The following NIPA2 variants were observed in gnomAD, a reference collection of about 807,000 sequenced individuals.
NIPA2 encodes NIPA magnesium transporter 2, also known as magnesium transporter NIPA2.
In NIPA2, 11 loss-of-function variants were observed where a neutral mutation model predicts 29.7. That is an observed-to-expected ratio of 0.37 (90% CI 0.23 to 0.61). The LOEUF is 0.61. Ranked by LOEUF, NIPA2 falls within the 20% of genes least tolerant of loss-of-function variation. NIPA2 has a pLI of 0.66. For synonymous variants in NIPA2, 183 were observed against 161.9 expected (o/e 1.13, Z -0.99); for missense variants, 426 against 437.9 (o/e 0.97, Z 0.24).
Position 22,853,234 on chromosome 15 carries a change from T to C in NIPA2, c.162T>C (p.Leu54=). 1 of 1,611,280 alleles carries C rather than the reference T, an allele frequency of 6.2e-7. No homozygotes were observed. ...CAGGTCAAGGTGGCCATGCATATCTTAAGGAATGGTTGTGGTGGGCTGGAC... is the reference window on the plus strand; with the variant it reads ...CAGGTCAAGGTGGCCATGCATATCTCAAGGAATGGTTGTGGTGGGCTGGAC... ...MRAGQGGHAY[L]KEWLWWAGLL... Residue 54 remains leucine (L), a synonymous_variant, in exon 5 of 8, where the codon CTT becomes CTC. Coordinates refer to ENST00000337451, the MANE Select transcript of NIPA2 (RefSeq NM_030922.7).
intron 5 of NIPA2, among the ~76,000 whole-genome samples, chr15:22,857,867 T>C (rs2058316333): frequency 2.1e-5 from 3 of 140,366 alleles, no homozygotes; most frequent in Non-Finnish European, 4.6e-5. Flanking sequence ...AAGGACCAAA[T>C]GAAAAGGACT....
intron 7 of NIPA2, among the ~76,000 whole-genome samples, chr15:22,865,502 A>G (rs557773563): frequency 6.6e-6 from 1 of 151,746 alleles, no homozygotes; most frequent in East Asian, 2.0e-4. Flanking sequence ...AAAAAATCCT[A>G]TTACTGTGTA....
chr15:22,850,316 A>G (rs936052929), intron 3 of NIPA2, among the ~76,000 whole-genome samples: 2 of 152,028 alleles, frequency 1.3e-5, no homozygotes, highest in Non-Finnish European at 2.9e-5. Context: ...AAGCAGAAGT[A>G]AGAGAGGCCT....
At position 22,858,122 on chromosome 15, in the gene NIPA2, A is replaced by G. The variant is rs373776996; in HGVS notation, c.197-418A>G. 2.0e-4 allele frequency among the ~76,000 whole-genome samples: 30 copies of G among 151,996 alleles called. No individual in the cohort carries two copies. In the East Asian group the frequency reaches 3.1e-3, roughly 16 times the overall value. On this transcript the variant is annotated intron_variant, in intron 5 of 7. Transcript: ENST00000337451. ...TTAATAAATTGGAGAGGCTGGGCGC[A>G]GTGGCTCACGCCTGTAATCCCAGCA...
chr15:22,846,037 C>T lies in NIPA2; in HGVS notation c.-94+770C>T, dbSNP rs139719871. On this transcript the variant is annotated intron_variant, in intron 3 of 7. Coordinates refer to ENST00000337451, the MANE Select transcript of NIPA2 (RefSeq NM_030922.7). ...CCATTATATGTATTGTTTTAATCAC[C>T]TCTTCACCTTGTCAGTGAGAGAGGG... is the stretch of plus-strand genomic sequence containing the variant. Among the ~76,000 whole-genome samples, 14 of 152,170 alleles carry T rather than the reference C, an allele frequency of 9.2e-5. No homozygotes were observed. In the East Asian group the frequency reaches 2.5e-3, roughly 27 times the overall value.
At chr15:22,853,340 C>G (rs1171128871) in intron 5 of NIPA2, 72 bp downstream of exon 5, 4 of 904,882 alleles carry the variant, frequency 4.4e-6, no homozygotes, top group Middle Eastern at 2.2e-4. Flanking sequence ...GTATTATAGC[C>G]TCATTACTAG....
chr15:22,860,598 A>C (rs1216656652), intron 6 of NIPA2, 31 bp from the exon 7 acceptor site: 1 of 1,443,002 alleles, frequency 6.9e-7, no homozygotes. Flanking sequence ...AGCTGATTAA[A>C]GTTCTCAATT....
chr15:22,847,141 G>C (rs1169601309), intron 3 of NIPA2, among the ~76,000 whole-genome samples: 1 of 151,764 alleles, frequency 6.6e-6, no homozygotes, highest in Non-Finnish European at 1.5e-5. Context: ...CCCGACCTCA[G>C]GTGATCTGCC....
chr15:22,839,048 C>G (rs1329176557), intron 1 of NIPA2, 127 bp downstream of exon 1: 2 of 152,248 alleles, frequency 1.3e-5, no homozygotes, highest in Non-Finnish European at 2.9e-5. Context: ...AAGCGGTTTT[C>G]CTGTAATCCT....
At chr15:22,864,574 G>A (rs920649006) in intron 7 of NIPA2, among the ~76,000 whole-genome samples, 6 of 152,198 alleles carry the variant, frequency 3.9e-5, no homozygotes, top group African/African-American at 1.4e-4. Flanking sequence ...ATGCCTGGAG[G>A]CATGGTTGAC....
At position 22,853,247 on chromosome 15, in the gene NIPA2, T is replaced by C; in HGVS notation, c.175T>C (p.Trp59Arg). 1 of 1,610,348 alleles carries C rather than the reference T, an allele frequency of 6.2e-7. No individual in the cohort carries two copies. The highest frequency in any genetic ancestry group is 8.5e-7 in the Non-Finnish European group (1 of 1,176,806). Residue 59 changes from tryptophan to arginine, a missense_variant, in exon 5 of 8, where the codon TGG becomes CGG. Trp to Arg is a moderately radical substitution (Grantham distance 101). Coordinates refer to ENST00000337451, the MANE Select transcript of NIPA2 (RefSeq NM_030922.7). ...GGHAYLKEWL[W>R]WAGLLSMGAG... is the part of the protein sequence containing the mutation. ...CCATGCATATCTTAAGGAATGGTTGTGGTGGGCTGGACTGCTGTCAAGTAT... is the reference window on the plus strand; with the variant it reads ...CCATGCATATCTTAAGGAATGGTTGCGGTGGGCTGGACTGCTGTCAAGTAT...
At position 22,867,289 on chromosome 15, in the gene NIPA2, A is replaced by C. The variant is rs2059162510; in HGVS notation, c.*442A>C. The C allele has an allele frequency of 2.5e-6, 1 of 398,608 alleles. No individual in the cohort carries two copies. The highest frequency in any genetic ancestry group is 3.6e-5 in the East Asian group (1 of 28,026). 24.7% of individuals were successfully genotyped at this position (398,608 alleles called of 1,614,324 possible). Reference sequence around the variant, plus strand: ...TTATCCTGTGATTTACCTTACCTACAAAAGTGGCTCCTGTTTGTTTGATGA... The same window carrying C: ...TTATCCTGTGATTTACCTTACCTACCAAAGTGGCTCCTGTTTGTTTGATGA... On this transcript the variant is annotated 3_prime_UTR_variant, in exon 8 of 8. Transcript: ENST00000337451.
intron 3 of NIPA2, among the ~76,000 whole-genome samples, chr15:22,848,109 T>C (rs574461854): frequency 6.6e-6 from 1 of 152,316 alleles, no homozygotes; most frequent in African/African-American, 2.4e-5. Context: ...ATGATTTTTA[T>C]GTTGGATGAT....
At chr15:22,860,226 G>A (rs2058525318) in intron 6 of NIPA2, among the ~76,000 whole-genome samples, 1 of 152,080 alleles carries the variant, frequency 6.6e-6, no homozygotes. Context: ...CACCATGTTG[G>A]CCAGGCTGGG....
chr15:22,861,043 T>C (rs2058585694), intron 7 of NIPA2, among the ~76,000 whole-genome samples: 1 of 152,230 alleles, frequency 6.6e-6, no homozygotes, highest in Non-Finnish European at 1.5e-5. Flanking sequence ...TGTTTTACCT[T>C]TTATTTACTG....
intron 5 of NIPA2, among the ~76,000 whole-genome samples, chr15:22,854,377 A>C (rs552733227): frequency 6.7e-6 from 1 of 148,490 alleles, no homozygotes; most frequent in Admixed American, 6.7e-5. Flanking sequence ...TGTCTGCCTC[A>C]GCCTCCCAAA....
chr15:22,848,214 C>CA (rs2057426287), intron 3 of NIPA2, among the ~76,000 whole-genome samples: 1 of 152,078 alleles, frequency 6.6e-6, no homozygotes, highest in Admixed American at 6.6e-5. Flanking sequence ...CTCGGTTTCT[C>CA]ACTCCCATTT....
At chr15:22,863,719 A>G (rs1040513153) in intron 7 of NIPA2, among the ~76,000 whole-genome samples, 8 of 152,158 alleles carry the variant, frequency 5.3e-5, no homozygotes, top group African/African-American at 1.9e-4. Context: ...GTTTTTACCT[A>G]GTCCCCTTAA....
At chr15:22,864,650 G>C (rs1319224446) in intron 7 of NIPA2, among the ~76,000 whole-genome samples, 1 of 152,174 alleles carries the variant, frequency 6.6e-6, no homozygotes, top group Non-Finnish European at 1.5e-5. Context: ...GAGTCTCCTT[G>C]TTTCTTGAAT....
Sources: gnomAD v4.1 joint callset for allele counts (sites outside exome capture counted in the v4.1 genomes callset) on GRCh38, gnomAD v4.1.1 for gene constraint, MANE v1.5 for transcripts, NCBI Gene and HGNC (gene_info 2026-07-23, HGNC 2026-07-21) for gene names.